Variants in DENND2B observed in about 807,000 individuals in gnomAD.
DENND2B encodes DENN domain containing 2B.
A neutral mutation model predicts 116.0 loss-of-function variants in DENND2B; 32 were observed. The ratio of observed to expected loss-of-function variants is 0.28; its 90% confidence interval spans 0.21 to 0.37. The LOEUF (loss-of-function observed/expected upper bound fraction) is 0.37. Among genes scored for constraint, DENND2B ranks in the 10% least tolerant of loss-of-function variants. The pLI, the probability that DENND2B is intolerant of heterozygous loss-of-function variation, is 1.00. For synonymous variants in DENND2B, 588 were observed against 583.9 expected (o/e 1.01, Z -0.10); for missense variants, 1,276 against 1,477.7 (o/e 0.86, Z 2.24).
chr11:8,895,106 G>A (rs1428677697), intron 1 of DENND2B, among the ~76,000 whole-genome samples: 4 of 152,120 alleles, frequency 2.6e-5, no homozygotes, highest in Admixed American at 1.3e-4. Context: ...GTAGGGACAC[G>A]GATGAAGCTG....
chr11:8,773,774 T>C (rs1477719902), intron 1 of DENND2B, among the ~76,000 whole-genome samples: 1 of 151,968 alleles, frequency 6.6e-6, no homozygotes, highest in Non-Finnish European at 1.5e-5. Context: ...CAATGAATTC[T>C]CATAAAATGG....
chr11:8,845,159 A>G (rs1319160169), intron 3 of DENND2B: 2 of 152,242 alleles, frequency 1.3e-5, no homozygotes, highest in Admixed American at 6.5e-5. Flanking sequence ...TACTATTATT[A>G]AACATAAAAA....
At chr11:8,694,440 A>C (rs186913381) in intron 19 of DENND2B, 2 of 451,958 alleles carry the variant, frequency 4.4e-6, no homozygotes, top group African/African-American at 4.0e-5. Flanking sequence ...ATTTTGCAGG[A>C]AGGGCACTCG....
At chr11:8,724,062 G>T (rs754629963) in intron 4 of DENND2B, among the ~76,000 whole-genome samples, 1 of 152,136 alleles carries the variant, frequency 6.6e-6, no homozygotes, top group Admixed American at 6.5e-5. Context: ...TTGGGAGACC[G>T]AGGCAGGCGG....
chr11:8,695,043 C>T (rs970215851), intron 19 of DENND2B, among the ~76,000 whole-genome samples: 1 of 152,054 alleles, frequency 6.6e-6, no homozygotes, highest in Non-Finnish European at 1.5e-5. Flanking sequence ...GCCTGAGTGA[C>T]AGAGCCAGAC....
At chr11:8,806,542 G>A (rs1447250607) in intron 1 of DENND2B, among the ~76,000 whole-genome samples, 1 of 147,280 alleles carries the variant, frequency 6.8e-6, no homozygotes, top group East Asian at 2.0e-4. Context: ...AAGAGAAGGG[G>A]TCTTTGGAGA....
intron 1 of DENND2B, among the ~76,000 whole-genome samples, chr11:8,902,365 C>G (rs1189645567): frequency 6.6e-6 from 1 of 151,352 alleles, no homozygotes; most frequent in East Asian, 1.9e-4. Context: ...AAGTCCCCAA[C>G]TACCACTGTT....
At chr11:8,740,465 T>C (rs2049999136) in intron 2 of DENND2B, among the ~76,000 whole-genome samples, 1 of 152,192 alleles carries the variant, frequency 6.6e-6, no homozygotes, top group African/African-American at 2.4e-5. Flanking sequence ...AGGCTGTCTT[T>C]AGTCCTTGAT....
At chr11:8,725,957 A>G (rs2047017836) in intron 4 of DENND2B, 116 bp downstream of exon 4, 1 of 1,478,394 alleles carries the variant, frequency 6.8e-7, no homozygotes, top group Non-Finnish European at 9.3e-7. Flanking sequence ...GAGGAGTTCC[A>G]GAAGGTGGGA....
At chr11:8,700,990 T>G (rs140130507) in intron 14 of DENND2B, among the ~76,000 whole-genome samples, 1 of 152,210 alleles carries the variant, frequency 6.6e-6, no homozygotes, top group African/African-American at 2.4e-5. Flanking sequence ...GGTTTCACCA[T>G]GTTGGCCAGG....
rs1413618191 is a variant in DENND2B at position 8,878,880 on chromosome 11, G to A, written c.-156+2130C>T. ...GAAGATAAATGGTTGCCAGGGCTCC[G>A]GGGGAGAAAGAAATGGGAGGTAACT... is the stretch of plus-strand genomic sequence containing the variant. On this transcript the variant is annotated intron_variant, in intron 2 of 22. Coordinates refer to the DENND2B transcript ENST00000534127. 1.3e-5 allele frequency among the ~76,000 whole-genome samples: 2 copies of A among 152,230 alleles called. 1 individual carries two copies. Among genetic ancestry groups the A allele is most frequent in the South Asian group, 4.2e-4 (2 of 4,804 alleles).
In DENND2B at chr11:8,822,131, T is replaced by A. The variant is rs779587463; in HGVS notation, c.-114-10796A>T. Among the ~76,000 whole-genome samples, 71 of 152,176 alleles carry A rather than the reference T, an allele frequency of 4.7e-4. 1 individual carries two copies. The highest frequency in any genetic ancestry group is 1.3e-4 in the Non-Finnish European group (9 of 68,036). The stretch of plus-strand genomic sequence containing the variant: ...GTAGCATTTTCTTTCTTAAGCTAGG[T>A]GGTGGGTCACTTAAACTATACATAT... On this transcript the variant is annotated intron_variant, in intron 4 of 6. Coordinates refer to the DENND2B transcript ENST00000524757.
intron 9 of DENND2B, chr11:8,711,770 G>C (rs1361961348): frequency 7.2e-6 from 2 of 277,636 alleles, no homozygotes; most frequent in Non-Finnish European, 1.5e-5. Context: ...GGGAGGCTGA[G>C]GCAGGAGAAT....
In DENND2B at chr11:8,748,592, C is replaced by T. The variant is rs144288088; in HGVS notation, c.80+2029G>A. 7.6e-3 allele frequency among the ~76,000 whole-genome samples: 1,150 copies of T among 150,720 alleles called. 16 individuals are homozygous for T. The highest frequency in any genetic ancestry group is 0.041 in the Middle Eastern group (12 of 294). On this transcript the variant is annotated intron_variant, in intron 2 of 19. Transcript: ENST00000313726. ...CTAGCCACAGAGGCCTGCAACTTCA[C>T]ACCAAAAGCCAGGCTCCCAGGAAAG...
chr11:8,711,863 G>A (rs554886113), intron 9 of DENND2B: 26 of 374,584 alleles, frequency 6.9e-5, no homozygotes, highest in South Asian at 1.1e-4. Context: ...GCGAAACTCC[G>A]TCTCGAATAA....
chr11:8,844,246 G>A (rs913674406), intron 3 of DENND2B, among the ~76,000 whole-genome samples: 1 of 151,292 alleles, frequency 6.6e-6, no homozygotes, highest in Admixed American at 6.6e-5. Flanking sequence ...CAAAAAAATC[G>A]AAAAGTTAGC....
rs146882178 is a variant in DENND2B, at chr11:8,764,195, G to A, written c.-25-13470C>T. On this transcript the variant is annotated intron_variant, in intron 1 of 19. Transcript: ENST00000313726. Reference sequence around the variant, plus strand: ...AGATCGCGCCACTGCACTCCAGCCTGGGCAATAGAGCGAGAATCAATCTCA... The same window carrying A: ...AGATCGCGCCACTGCACTCCAGCCTAGGCAATAGAGCGAGAATCAATCTCA... 5.0e-4 allele frequency among the ~76,000 whole-genome samples: 76 copies of A among 151,218 alleles called. No homozygotes were observed. The East Asian group carries it at 0.013, about 27-fold the overall frequency.
chr11:8,893,815 AT>A (rs1431608860), intron 1 of DENND2B, among the ~76,000 whole-genome samples: 3 of 152,150 alleles, frequency 2.0e-5, no homozygotes, highest in Admixed American at 1.3e-4. Flanking sequence ...GAAAATGGCC[AT>A]ACTACCCAAG....
upstream of DENND2B, among the ~76,000 whole-genome samples, chr11:8,814,545 C>T (rs781208711): frequency 3.9e-5 from 6 of 152,170 alleles, no homozygotes; most frequent in Non-Finnish European, 7.3e-5. Context: ...GCCTGGATAG[C>T]TCTTACTCAC....
Sources: gnomAD v4.1 joint callset for allele counts (sites outside exome capture counted in the v4.1 genomes callset) on GRCh38, gnomAD v4.1.1 for gene constraint, MANE v1.5 for transcripts, NCBI Gene and HGNC (gene_info 2026-07-23, HGNC 2026-07-21) for gene names.